The following PRKCE variants were observed in gnomAD, a reference collection of about 807,000 sequenced individuals.
The protein encoded by PRKCE is protein kinase C epsilon.
A neutral mutation model predicts 85.4 loss-of-function variants in PRKCE; 16 were observed. That is an observed-to-expected ratio of 0.19 (90% CI 0.13 to 0.28). PRKCE has a LOEUF of 0.28. PRKCE is among the 10% of genes least tolerant of loss of function. PRKCE has a pLI of 1.00. For missense variants in PRKCE, 573 were observed against 975.2 expected (o/e 0.59, Z 5.49); for synonymous variants, 388 against 371.5 (o/e 1.04, Z -0.51).
chr2:45,681,757 A>C (rs1463812750), intron 1 of PRKCE, among the ~76,000 whole-genome samples: 1 of 152,124 alleles, frequency 6.6e-6, no homozygotes, highest in African/African-American at 2.4e-5. Context: ...GGGAATCCAA[A>C]CCCCAAGGAC....
intron 2 of PRKCE, among the ~76,000 whole-genome samples, chr2:45,861,275 G>A (rs1250902464): frequency 6.6e-6 from 1 of 152,128 alleles, no homozygotes; most frequent in Non-Finnish European, 1.5e-5. Context: ...TGTAACTCCT[G>A]GGAGATAATG....
At chr2:45,830,136 G>C (rs538793333) in intron 1 of PRKCE, among the ~76,000 whole-genome samples, 1 of 151,730 alleles carries the variant, frequency 6.6e-6, no homozygotes, top group Non-Finnish European at 1.5e-5. Context: ...ATAATGGTTT[G>C]GGGAGAACTA....
chr2:46,088,814 T>C (rs1342862900), intron 11 of PRKCE, among the ~76,000 whole-genome samples: 1 of 152,164 alleles, frequency 6.6e-6, no homozygotes, highest in Non-Finnish European at 1.5e-5. Flanking sequence ...ACCAACATTT[T>C]ATTGCAGGGA....
At chr2:45,761,382 G>A (rs1684486300) in intron 1 of PRKCE, among the ~76,000 whole-genome samples, 1 of 151,264 alleles carries the variant, frequency 6.6e-6, no homozygotes, top group Non-Finnish European at 1.5e-5. Flanking sequence ...ATGCCAGTAG[G>A]TTGGCTTTGC....
chr2:45,741,669 T>G (rs1682585329), intron 1 of PRKCE, among the ~76,000 whole-genome samples: 1 of 152,108 alleles, frequency 6.6e-6, no homozygotes, highest in South Asian at 2.1e-4. Flanking sequence ...GTGCCCAGGC[T>G]GTAAGGTACT....
intron 2 of PRKCE, among the ~76,000 whole-genome samples, chr2:45,881,494 G>T (rs1694887935): frequency 6.6e-6 from 1 of 152,164 alleles, no homozygotes; most frequent in Non-Finnish European, 1.5e-5. Flanking sequence ...TATAGTGATT[G>T]CAGTTAAAAT....
Position 45,774,584 on chromosome 2 carries a change from G to A in PRKCE, c.349-68416G>A, listed in dbSNP as rs1351118311. On this transcript the variant is annotated intron_variant, in intron 1 of 14. Transcript: ENST00000306156. The surrounding 1 kb of genome is among the most constrained non-coding windows in gnomAD (Gnocchi z 4.3). ...TGCCAGGAATCGGGTGGCTTTTGGT[G>A]TGACTGTACAGAGCAGGCAGCCTGT... Among the ~76,000 whole-genome samples the A allele has an allele frequency of 6.6e-6, 1 of 152,196 alleles. No individual in the cohort carries two copies. Among genetic ancestry groups the A allele is most frequent in the Non-Finnish European group, 1.5e-5 (1 of 68,034 alleles).
At chr2:45,940,543 G>C (rs1699797807) in intron 2 of PRKCE, among the ~76,000 whole-genome samples, 1 of 152,196 alleles carries the variant, frequency 6.6e-6, no homozygotes, top group Non-Finnish European at 1.5e-5. Context: ...GGAAGAAGCA[G>C]AGAACACGTT....
chr2:45,816,164 G>A (rs1455289268), intron 1 of PRKCE, among the ~76,000 whole-genome samples: 1 of 152,106 alleles, frequency 6.6e-6, no homozygotes, highest in Non-Finnish European at 1.5e-5. Context: ...ATCAAGGCCT[G>A]GCACTGCGTC....
intron 14 of PRKCE, among the ~76,000 whole-genome samples, chr2:46,176,158 AAAGAT>A (rs1377291449): frequency 1.3e-5 from 2 of 152,192 alleles, no homozygotes; most frequent in Non-Finnish European, 2.9e-5. Context: ...TCCAAAGTAC[AAAGAT>A]AAGGGTGAAA....
intron 2 of PRKCE, among the ~76,000 whole-genome samples, chr2:45,916,409 A>T (rs1451345926): frequency 6.7e-6 from 1 of 150,282 alleles, no homozygotes; most frequent in Non-Finnish European, 1.5e-5. Flanking sequence ...CTGGCTAATT[A>T]AAAAAAAAAT....
intron 10 of PRKCE, among the ~76,000 whole-genome samples, chr2:46,079,770 G>A (rs1025370810): frequency 2.5e-4 from 38 of 152,190 alleles, no homozygotes; most frequent in Non-Finnish European, 1.9e-4. Context: ...CTGGCTATCC[G>A]TCACACCTTG....
chr2:45,772,562 C>T (rs887475935), intron 1 of PRKCE, among the ~76,000 whole-genome samples: 7 of 152,156 alleles, frequency 4.6e-5, no homozygotes, highest in African/African-American at 7.2e-5. Context: ...TCTGCCTGAT[C>T]CTAGGCTCTT....
At chr2:45,785,478 A>C (rs1211626791) in intron 1 of PRKCE, among the ~76,000 whole-genome samples, 2 of 151,502 alleles carry the variant, frequency 1.3e-5, no homozygotes, top group Non-Finnish European at 2.9e-5. Flanking sequence ...GTGACAGATG[A>C]GACTCCCTCT....
chr2:46,163,161 A>T (rs1677945142), intron 14 of PRKCE, among the ~76,000 whole-genome samples: 1 of 152,252 alleles, frequency 6.6e-6, no homozygotes, highest in Non-Finnish European at 1.5e-5. Flanking sequence ...TGTGCTGCAT[A>T]AGCAGAGTCA....
chr2:46,081,348 G>A (rs988289160), intron 10 of PRKCE, among the ~76,000 whole-genome samples: 1 of 152,146 alleles, frequency 6.6e-6, no homozygotes, highest in Non-Finnish European at 1.5e-5. Context: ...TATTCACATG[G>A]TGTTTGCTTT....
chr2:46,077,963 T>G (rs1041810428), intron 10 of PRKCE: 43 of 152,230 alleles, frequency 2.8e-4, no homozygotes, highest in African/African-American at 9.2e-4. Flanking sequence ...TGGTTGTACT[T>G]TCTTTGTGGC....
chr2:45,791,245 G>T (rs1687009457), intron 1 of PRKCE, among the ~76,000 whole-genome samples: 1 of 152,130 alleles, frequency 6.6e-6, no homozygotes, highest in Admixed American at 6.5e-5. Context: ...GAGCTTTCTG[G>T]TAAAGAGGTT....
At chr2:45,696,934 C>A (rs1338961308) in intron 1 of PRKCE, among the ~76,000 whole-genome samples, 1 of 152,068 alleles carries the variant, frequency 6.6e-6, no homozygotes, top group Non-Finnish European at 1.5e-5. Flanking sequence ...CAGTCACAGA[C>A]CTGCTTTCCT....
Sources: gnomAD v4.1 joint callset for allele counts (sites outside exome capture counted in the v4.1 genomes callset) on GRCh38, gnomAD v4.1.1 for gene constraint, Gnocchi (gnomAD v3.1) non-coding constraint, MANE v1.5 for transcripts, NCBI Gene and HGNC (gene_info 2026-07-23, HGNC 2026-07-21) for gene names.